The following LRBA variants were observed in gnomAD, a reference collection of about 807,000 sequenced individuals.
The protein encoded by LRBA is lipopolysaccharide-responsive and beige-like anchor protein.
Under a neutral mutation model 330.0 loss-of-function variants are expected in LRBA, and 176 were observed. The ratio of observed to expected loss-of-function variants is 0.53; its 90% CI spans 0.47 to 0.60. The LOEUF is 0.60. LRBA is among the 20% of genes least tolerant of loss of function. The pLI is 0.00. For synonymous variants in LRBA, 1,230 were observed against 1,193.0 expected (o/e 1.03, Z -0.64); for missense variants, 3,259 against 3,444.8 (o/e 0.95, Z 1.35).
At chr4:150,515,802 T>C (rs1269077860) in intron 40 of LRBA, among the ~76,000 whole-genome samples, 1 of 152,080 alleles carries the variant, frequency 6.6e-6, no homozygotes, top group African/African-American at 2.4e-5. Flanking sequence ...GAAAAAAATT[T>C]CATTCATAAT....
chr4:150,532,419 C>G (rs1314370309), intron 40 of LRBA, among the ~76,000 whole-genome samples: 1 of 152,040 alleles, frequency 6.6e-6, no homozygotes, highest in Admixed American at 6.6e-5. Context: ...TATCCAAGTG[C>G]TCTTTTACCA....
chr4:150,562,214 A>G (rs1857751), intron 40 of LRBA, among the ~76,000 whole-genome samples: 102,681 of 151,902 alleles, frequency 0.68, 34,654 homozygotes, highest in Admixed American at 0.71. Flanking sequence ...CTACCAATCA[A>G]CATATAATAT....
intron 47 of LRBA, among the ~76,000 whole-genome samples, chr4:150,389,218 G>A (rs1581179794): frequency 6.6e-6 from 1 of 152,120 alleles, no homozygotes; most frequent in Non-Finnish European, 1.5e-5. Flanking sequence ...GTAGCCAGGT[G>A]TGGTGACACG....
rs116108406 is a variant in LRBA at position 150,498,612 on chromosome 4, G to A, written c.6331-7577C>T. 2.9e-3 allele frequency among the ~76,000 whole-genome samples: 434 copies of A among 152,198 alleles called. 4 individuals are homozygous for A. Among genetic ancestry groups the A allele is most frequent in the African/African-American group, 0.01 (421 of 41,528 alleles). On this transcript the variant is annotated intron_variant, in intron 40 of 56. Coordinates refer to ENST00000651943, the MANE Select transcript of LRBA (RefSeq NM_001364905.1). Reference sequence around the variant, plus strand: ...TTCATAGCAGCACATAAGGTGAAGAGCTGGGTGATAAATTTGTAGAGAAGG... The same window carrying A: ...TTCATAGCAGCACATAAGGTGAAGAACTGGGTGATAAATTTGTAGAGAAGG...
chr4:150,758,414 C>T (rs967838253), intron 35 of LRBA, among the ~76,000 whole-genome samples: 6 of 152,110 alleles, frequency 3.9e-5, no homozygotes, highest in African/African-American at 1.4e-4. Flanking sequence ...TCTCTCACAA[C>T]CCACATCCAA....
chr4:150,404,058 G>GCTT (rs1427592924), intron 47 of LRBA, among the ~76,000 whole-genome samples: 51 of 152,022 alleles, frequency 3.4e-4, no homozygotes, highest in Non-Finnish European at 6.6e-4. Context: ...CAAACCAGAA[G>GCTT]TATTTTGAAT....
At chr4:150,303,536 GA>G (rs1729943226) in intron 52 of LRBA, among the ~76,000 whole-genome samples, 1 of 151,966 alleles carries the variant, frequency 6.6e-6, no homozygotes, top group East Asian at 1.9e-4. Flanking sequence ...AAAGGTGTCA[GA>G]AAAAAAGTAA....
At chr4:150,304,191 G>A (rs1030274643) in intron 52 of LRBA, among the ~76,000 whole-genome samples, 7 of 152,028 alleles carry the variant, frequency 4.6e-5, no homozygotes, top group African/African-American at 1.4e-4. Context: ...TGTTTAACCC[G>A]TAATACATTG....
chr4:150,909,302 G>A lies in LRBA; in HGVS notation c.1162-445C>T, dbSNP rs117055850. On this transcript the variant is annotated intron_variant, in intron 9 of 56. Transcript: ENST00000651943. ...CCCATTTCCTGCTCCCCACCAGCCC[G>A]ACTATCACAATTCTACTTTCTGTTT... 2.6e-4 allele frequency among the ~76,000 whole-genome samples: 39 copies of A among 152,136 alleles called. No individual in the cohort carries two copies. The East Asian group carries it at 3.3e-3, about 13-fold the overall frequency.
chr4:150,318,698 C>A (rs1732060919), intron 50 of LRBA, among the ~76,000 whole-genome samples: 2 of 152,128 alleles, frequency 1.3e-5, no homozygotes, highest in African/African-American at 4.8e-5. Context: ...GTGGTGTATT[C>A]CCATATGTTA....
rs527748968 is a variant in LRBA at position 150,940,160 on chromosome 4, T to A, written c.217-11095A>T. ...GGCTTATGCCTGTAATCTCAGTACT[T>A]TGGGAGGCTGAGGCAGGAGGACTGC... On this transcript the variant is annotated intron_variant, in intron 2 of 56. Coordinates refer to ENST00000651943, the MANE Select transcript of LRBA (RefSeq NM_001364905.1). 1.1e-3 allele frequency among the ~76,000 whole-genome samples: 163 copies of A among 151,972 alleles called. 1 individual carries two copies. The highest frequency in any genetic ancestry group is 2.2e-3 in the Admixed American group (34 of 15,272).
At chr4:150,387,760 G>T (rs918839908) in intron 47 of LRBA, among the ~76,000 whole-genome samples, 1 of 152,086 alleles carries the variant, frequency 6.6e-6, no homozygotes, top group African/African-American at 2.4e-5. Flanking sequence ...CATAACATTT[G>T]AGCAAAAATT....
At chr4:150,963,638 G>A (rs1317669953) in intron 2 of LRBA, among the ~76,000 whole-genome samples, 1 of 149,228 alleles carries the variant, frequency 6.7e-6, no homozygotes, top group African/African-American at 2.6e-5. Context: ...GTCTCTGCCT[G>A]GCCGCCCATC....
chr4:150,874,637 G>C (rs1008275877), intron 17 of LRBA, among the ~76,000 whole-genome samples: 3 of 152,198 alleles, frequency 2.0e-5, no homozygotes, highest in Non-Finnish European at 4.4e-5. Flanking sequence ...GCTCCAGCCT[G>C]CTACCCTGAC....
chr4:150,639,793 ATATATATATATATGTGTGTGTG>A (rs1561457592), intron 37 of LRBA, among the ~76,000 whole-genome samples: 165 of 11,002 alleles, frequency 0.015, 22 homozygotes, highest in East Asian at 0.084. Context: ...GTGTGTGTGT[ATATATATATATATGTGTGTGTG>A]TGTGTATATA....
At chr4:150,853,650 C>T (rs1416326060) in intron 22 of LRBA, among the ~76,000 whole-genome samples, 1 of 151,926 alleles carries the variant, frequency 6.6e-6, no homozygotes, top group African/African-American at 2.4e-5. Flanking sequence ...TGCCTTTTAC[C>T]CAAATGGGAA....
intron 36 of LRBA, among the ~76,000 whole-genome samples, chr4:150,734,348 AT>A (rs1311975297): frequency 6.6e-6 from 1 of 152,112 alleles, no homozygotes; most frequent in Admixed American, 6.6e-5. Context: ...TTGATGAATT[AT>A]GTTATTTAAA....
chr4:150,844,968 T>C (rs1749637251), intron 26 of LRBA, among the ~76,000 whole-genome samples, 189 bp from the exon 27 acceptor site: 1 of 152,192 alleles, frequency 6.6e-6, no homozygotes, highest in African/African-American at 2.4e-5. Flanking sequence ...TTAGCTTCCA[T>C]GCTGTGGCCC....
chr4:150,595,322 C>A (rs1056882193), intron 38 of LRBA, among the ~76,000 whole-genome samples: 16 of 151,750 alleles, frequency 1.1e-4, no homozygotes, highest in African/African-American at 3.9e-4. Context: ...AGATAGAGAA[C>A]CTAGTATATG....
Sources: gnomAD v4.1 joint callset for allele counts (sites outside exome capture counted in the v4.1 genomes callset) on GRCh38, gnomAD v4.1.1 for gene constraint, MANE v1.5 for transcripts, NCBI Gene and HGNC (gene_info 2026-07-23, HGNC 2026-07-21) for gene names.